Variants in SHANK2 observed in about 807,000 individuals in gnomAD.
The protein encoded by SHANK2 is SH3 and multiple ankyrin repeat domains protein 2.
In SHANK2, 43 loss-of-function variants were observed where a neutral mutation model predicts 133.7. The ratio of observed to expected loss-of-function variants is 0.32; its 90% CI spans 0.25 to 0.41. The LOEUF (loss-of-function observed/expected upper bound fraction) is 0.41. Among genes scored for constraint, SHANK2 ranks in the 10% least tolerant of loss-of-function variants. The pLI is 1.00. For synonymous variants in SHANK2, 1,017 were observed against 952.8 expected (o/e 1.07, Z -1.24); for missense variants, 1,994 against 2,235.8 (o/e 0.89, Z 2.18).
At chr11:71,064,163 C>A (rs1261241009) in intron 9 of SHANK2, among the ~76,000 whole-genome samples, 1 of 152,222 alleles carries the variant, frequency 6.6e-6, no homozygotes, top group African/African-American at 2.4e-5. Context: ...AGGTACTGTC[C>A]TAGTCCCTGG....
chr11:71,075,745 A>G (rs1028998743), intron 8 of SHANK2, among the ~76,000 whole-genome samples: 1 of 152,212 alleles, frequency 6.6e-6, no homozygotes, highest in Non-Finnish European at 1.5e-5. Flanking sequence ...CTGCATCCAC[A>G]GGAGTGAGCC....
At chr11:70,934,136 G>A (rs919012649) in intron 10 of SHANK2, among the ~76,000 whole-genome samples, 19 of 151,696 alleles carry the variant, frequency 1.3e-4, no homozygotes, top group African/African-American at 1.2e-4. Flanking sequence ...ATAGGCAGAG[G>A]CGGGAGGATC....
intron 17 of SHANK2, among the ~76,000 whole-genome samples, chr11:70,520,630 C>T (rs778550783): frequency 2.2e-4 from 33 of 152,166 alleles, no homozygotes; most frequent in African/African-American, 6.0e-4. Context: ...ACAGTGCTCT[C>T]GAAAGCAAGT....
At chr11:70,937,826 G>A (rs1555083682) in intron 10 of SHANK2, among the ~76,000 whole-genome samples, 1 of 152,010 alleles carries the variant, frequency 6.6e-6, no homozygotes. Flanking sequence ...ACTCAGATGG[G>A]CTCAGTCCCA....
chr11:71,249,321 C>T (rs1555125494), intron 1 of SHANK2, among the ~76,000 whole-genome samples: 1 of 152,186 alleles, frequency 6.6e-6, no homozygotes, highest in African/African-American at 2.4e-5. Flanking sequence ...TAGAAACGGA[C>T]AGGGTCAAGA....
intron 17 of SHANK2, among the ~76,000 whole-genome samples, chr11:70,512,311 C>T (rs956352358): frequency 3.3e-5 from 5 of 152,150 alleles, no homozygotes; most frequent in Non-Finnish European, 7.4e-5. Context: ...AGTTGAGAAC[C>T]ACTAATTTGG....
chr11:70,902,064 C>T (rs1467445498), intron 10 of SHANK2, among the ~76,000 whole-genome samples: 8 of 152,196 alleles, frequency 5.3e-5, no homozygotes, highest in East Asian at 3.9e-4. Flanking sequence ...GCCCGGGGCC[C>T]GGCTGGCACT....
chr11:70,738,096 T>C (rs1555033978), intron 14 of SHANK2, among the ~76,000 whole-genome samples: 1 of 152,268 alleles, frequency 6.6e-6, no homozygotes, highest in Non-Finnish European at 1.5e-5. Context: ...GCATATCGCA[T>C]GGTTGGCTGA....
chr11:71,243,005 CTT>C (rs1555124582), intron 1 of SHANK2, among the ~76,000 whole-genome samples: 1 of 152,194 alleles, frequency 6.6e-6, no homozygotes, highest in Non-Finnish European at 1.5e-5. Context: ...TTGGAAAACA[CTT>C]TGAAACGAGT....
At chr11:70,825,471 TAAA>T (rs1276010347) in intron 11 of SHANK2, among the ~76,000 whole-genome samples, 1 of 152,180 alleles carries the variant, frequency 6.6e-6, no homozygotes, top group Non-Finnish European at 1.5e-5. Flanking sequence ...GATTAAGGAA[TAAA>T]AGAGCTGGGA....
rs2058816421 is a variant in SHANK2 at position 70,486,903 on chromosome 11, C to T, written c.3390G>A (p.Gly1130=). The part of the protein sequence containing the change: ...RTRPSMFPEE[G]DFADEDSAEQ... ...CAGCGCTGTCCTCGTCAGCAAAATC[C>T]CCCTCCTCGGGGAACATGGAGGGCC... The change falls in exon 25 of 26, where the codon GGG becomes GGA. Residue 1130 remains glycine, a synonymous_variant. Coordinates refer to ENST00000601538, the MANE Select transcript of SHANK2 (RefSeq NM_012309.5). The surrounding 1 kb of genome is among the most constrained non-coding windows in gnomAD (Gnocchi z 8.0). 3 of 1,612,664 alleles carry T rather than the reference C, an allele frequency of 1.9e-6. No homozygotes were observed. The highest frequency in any genetic ancestry group is 4.5e-5 in the East Asian group (2 of 44,872).
At position 70,535,884 on chromosome 11, in the gene SHANK2, A is replaced by G. The variant is rs544771961; in HGVS notation, c.2062-32953T>C. 1.3e-5 allele frequency among the ~76,000 whole-genome samples: 2 copies of G among 152,180 alleles called. No individual in the cohort carries two copies. The highest frequency in any genetic ancestry group is 6.5e-5 in the Admixed American group (1 of 15,288). On this transcript the variant is annotated intron_variant, in intron 17 of 25. Coordinates refer to ENST00000601538, the MANE Select transcript of SHANK2 (RefSeq NM_012309.5). This position sits in a 1 kb window ranked among gnomAD's most constrained non-coding sequence, Gnocchi z 4.3. ...GTCAGGGCCTGGTAAGCTGTGGGGG[A>G]AGCAGTGACTGGCCGGAGACCCCAG... is the stretch of plus-strand genomic sequence containing the variant.
chr11:70,634,338 G>A (rs1159789467), intron 17 of SHANK2: 1 of 151,996 alleles, frequency 6.6e-6, no homozygotes, highest in Non-Finnish European at 1.5e-5. Context: ...GTATATGGAT[G>A]GCAAGAATTT....
At chr11:70,928,126 A>T (rs1235921743) in intron 10 of SHANK2, among the ~76,000 whole-genome samples, 1 of 152,090 alleles carries the variant, frequency 6.6e-6, no homozygotes, top group Admixed American at 6.6e-5. Context: ...TTTTCTAGAG[A>T]ACCCTGGCTA....
intron 2 of SHANK2, among the ~76,000 whole-genome samples, chr11:71,213,984 A>T (rs1392879041): frequency 6.6e-6 from 1 of 152,064 alleles, no homozygotes; most frequent in Non-Finnish European, 1.5e-5. Context: ...TCACCCAGCC[A>T]ATATGAACCA....
At position 70,658,957 on chromosome 11, in the gene SHANK2, A is replaced by G. The variant is rs1192880110; in HGVS notation, c.2061+871T>C. On this transcript the variant is annotated intron_variant, in intron 17 of 25. Transcript: ENST00000601538. ...TGCATCCAAGAAATGCGCACTCCCA[A>G]CGAGGACCATTCGAGTCTACTGAAC... 3.3e-5 allele frequency among the ~76,000 whole-genome samples: 5 copies of G among 152,110 alleles called. No individual in the cohort carries two copies. The South Asian group carries it at 6.2e-4, about 19-fold the overall frequency.
intron 11 of SHANK2, among the ~76,000 whole-genome samples, chr11:70,840,389 G>A (rs895741006): frequency 1.1e-4 from 16 of 152,192 alleles, no homozygotes; most frequent in African/African-American, 3.6e-4. Flanking sequence ...GCTCCCTGGA[G>A]CCTCAGTTTC....
chr11:70,895,763 A>C (rs896503159), intron 11 of SHANK2, among the ~76,000 whole-genome samples: 25 of 152,132 alleles, frequency 1.6e-4, no homozygotes, highest in African/African-American at 6.0e-4. Flanking sequence ...TTGTTTCAGC[A>C]ATCAAGAGCC....
intron 17 of SHANK2, among the ~76,000 whole-genome samples, chr11:70,543,263 C>T (rs1363260342): frequency 2.6e-5 from 4 of 152,158 alleles, no homozygotes; most frequent in African/African-American, 4.8e-5. Context: ...AATCTCAGGA[C>T]CCTCCAGAGT....
Sources: gnomAD v4.1 joint callset for allele counts (sites outside exome capture counted in the v4.1 genomes callset) on GRCh38, gnomAD v4.1.1 for gene constraint, Gnocchi (gnomAD v3.1) non-coding constraint, MANE v1.5 for transcripts, NCBI Gene and HGNC (gene_info 2026-07-23, HGNC 2026-07-21) for gene names.